ZFHX3: variants seen among roughly 807,000 people sequenced by gnomAD.
ZFHX3 encodes the protein zinc finger homeobox protein 3.
Under a neutral mutation model 279.1 loss-of-function variants are expected in ZFHX3, and 42 were observed. That is an observed-to-expected ratio of 0.15 (90% CI 0.12 to 0.19). The LOEUF is 0.19. ZFHX3 is among the 10% of genes least tolerant of loss of function. The probability of loss-of-function intolerance (pLI) is 1.00; values close to 1 mark genes in which losing one functional copy is unlikely to be tolerated. For missense variants in ZFHX3, 4,981 were observed against 4,754.0 expected, an observed-to-expected ratio of 1.05 and a Z score of -1.40; for synonymous variants, 2,293 against 1,957.8, an observed-to-expected ratio of 1.17 and a Z score of -4.52.
At chr16:73,201,261 C>T (rs1425297781) in intron 5 of ZFHX3, among the ~76,000 whole-genome samples, 4 of 152,198 alleles carry the variant, frequency 2.6e-5, no homozygotes, top group Non-Finnish European at 5.9e-5. Context: ...GGGGCTACCA[C>T]ATGCCAATAG....
intron 2 of ZFHX3, among the ~76,000 whole-genome samples, chr16:73,525,113 G>T (rs2019669906): frequency 6.6e-6 from 1 of 152,192 alleles, no homozygotes; most frequent in African/African-American, 2.4e-5. Flanking sequence ...GGGCAAACCA[G>T]CGACATGAGG....
At chr16:73,228,696 G>A (rs2012679373) in intron 5 of ZFHX3, among the ~76,000 whole-genome samples, 1 of 152,082 alleles carries the variant, frequency 6.6e-6, no homozygotes, top group Non-Finnish European at 1.5e-5. Flanking sequence ...CACTTTCAAG[G>A]GCCCTTAAAA....
chr16:73,010,751 G>C lies in ZFHX3; in HGVS notation c.-50+37001C>G, dbSNP rs141741480. Among the ~76,000 whole-genome samples the C allele has an allele frequency of 3.3e-5, 5 of 152,284 alleles. No homozygotes were observed. The East Asian group carries it at 9.7e-4, about 29-fold the overall frequency. ...CTTTGGGCACACGAGTTCTACTCCA[G>C]GAGACATTTACATCAAGTTCTACTC... On this transcript the variant is annotated intron_variant, in intron 1 of 9. Coordinates refer to ENST00000268489, the MANE Select transcript of ZFHX3 (RefSeq NM_006885.4).
At chr16:72,966,642 C>T (rs1423978806) in intron 1 of ZFHX3, among the ~76,000 whole-genome samples, 4 of 152,184 alleles carry the variant, frequency 2.6e-5, no homozygotes, top group Non-Finnish European at 5.9e-5. Flanking sequence ...GTAGCCTCAT[C>T]GGAATGGCTG....
At chr16:73,637,101 T>C (rs904987762) in intron 2 of ZFHX3, among the ~76,000 whole-genome samples, 51 of 152,162 alleles carry the variant, frequency 3.4e-4, no homozygotes, top group Middle Eastern at 6.8e-3. Context: ...CTTGAATATA[T>C]ATAAGAATTT....
intron 1 of ZFHX3, among the ~76,000 whole-genome samples, chr16:73,748,124 T>C (rs1332775685): frequency 6.6e-6 from 1 of 152,172 alleles, no homozygotes; most frequent in Non-Finnish European, 1.5e-5. Flanking sequence ...ATGTAGAATC[T>C]AACATTTTGA....
chr16:73,604,228 G>T (rs1880117462), intron 2 of ZFHX3, among the ~76,000 whole-genome samples: 1 of 151,882 alleles, frequency 6.6e-6, no homozygotes, highest in African/African-American at 2.4e-5. Flanking sequence ...CTGGATAGAG[G>T]GATTATGGCT....
chr16:73,280,488 A>G (rs2014429193), intron 4 of ZFHX3, among the ~76,000 whole-genome samples: 1 of 152,218 alleles, frequency 6.6e-6, no homozygotes, highest in African/African-American at 2.4e-5. Context: ...ACAAATAACC[A>G]ATAGACACAG....
intron 1 of ZFHX3, among the ~76,000 whole-genome samples, chr16:72,974,189 C>A (rs1327537415): frequency 1.3e-5 from 2 of 152,166 alleles, no homozygotes; most frequent in Non-Finnish European, 2.9e-5. Flanking sequence ...TTATTCACAT[C>A]GAATCTACCT....
chr16:73,413,056 T>C (rs1480279723), intron 3 of ZFHX3, among the ~76,000 whole-genome samples: 2 of 152,160 alleles, frequency 1.3e-5, no homozygotes, highest in Admixed American at 1.3e-4. Flanking sequence ...AGTGTGCGTG[T>C]TGGGCACGAA....
At chr16:73,843,448 T>C (rs1340591867) in intron 1 of ZFHX3, among the ~76,000 whole-genome samples, 1 of 152,200 alleles carries the variant, frequency 6.6e-6, no homozygotes, top group Non-Finnish European at 1.5e-5. Flanking sequence ...GGAAACGGAT[T>C]GTGTCCTGTG....
At chr16:73,728,317 T>C (rs1266824849) in intron 1 of ZFHX3, among the ~76,000 whole-genome samples, 1 of 152,130 alleles carries the variant, frequency 6.6e-6, no homozygotes, top group Non-Finnish European at 1.5e-5. Flanking sequence ...TGCTGACACC[T>C]TGATCTCAGA....
chr16:73,637,230 CTTTT>C (rs1215790905), intron 2 of ZFHX3, among the ~76,000 whole-genome samples: 4 of 121,690 alleles, frequency 3.3e-5, no homozygotes, highest in Non-Finnish European at 5.3e-5. Context: ...TTTTTTTGTT[CTTTT>C]TTTTTTTTTT....
chr16:72,919,357 C>A (rs1468828393), intron 3 of ZFHX3, among the ~76,000 whole-genome samples: 1 of 151,956 alleles, frequency 6.6e-6, no homozygotes, highest in African/African-American at 2.4e-5. Context: ...ATGGGGGTTT[C>A]ACCATGCTAC....
At chr16:73,792,269 T>C (rs1449077811) in intron 1 of ZFHX3, among the ~76,000 whole-genome samples, 3 of 152,154 alleles carry the variant, frequency 2.0e-5, no homozygotes. Context: ...CCTTAAGAAA[T>C]GCAACATGAA....
chr16:72,830,217 T>C (rs1028924924), intron 4 of ZFHX3, among the ~76,000 whole-genome samples: 1 of 152,248 alleles, frequency 6.6e-6, no homozygotes, highest in Admixed American at 6.5e-5. Context: ...GCAAGTCTTT[T>C]ACACTTGAAA....
chr16:72,955,963 G>A (rs1961233689), intron 2 of ZFHX3, among the ~76,000 whole-genome samples: 1 of 152,158 alleles, frequency 6.6e-6, no homozygotes, highest in Non-Finnish European at 1.5e-5. Context: ...ATCTCCTGGT[G>A]TGCATGGTTC....
chr16:73,691,173 A>G (rs1372731634), intron 1 of ZFHX3, among the ~76,000 whole-genome samples: 1 of 152,212 alleles, frequency 6.6e-6, no homozygotes, highest in Non-Finnish European at 1.5e-5. Flanking sequence ...AAGTTCGCCA[A>G]TCAAAACAAG....
intron 1 of ZFHX3, among the ~76,000 whole-genome samples, chr16:73,842,535 T>C (rs1961337275): frequency 6.6e-6 from 1 of 152,138 alleles, no homozygotes; most frequent in Non-Finnish European, 1.5e-5. Context: ...TCCCCACATC[T>C]GTCCCCTCTG....
Sources: allele counts gnomAD v4.1 joint callset (sites outside exome capture counted in the v4.1 genomes callset), GRCh38; gene constraint gnomAD v4.1.1; transcripts MANE v1.5; gene names NCBI Gene and HGNC (gene_info 2026-07-23, HGNC 2026-07-21).